Variants in ADARB2 observed in about 807,000 individuals in gnomAD.
ADARB2 encodes adenosine deaminase RNA specific B2 (inactive), also known as inactive double-stranded RNA-specific editase B2.
ADARB2 carries 25 observed loss-of-function variants against 62.2 expected under a neutral mutation model. That is an observed-to-expected ratio of 0.40 (90% CI 0.29 to 0.56). The LOEUF (loss-of-function observed/expected upper bound fraction) is 0.56, where lower values mean the gene tolerates loss of function less well. Ranked by LOEUF, ADARB2 falls within the 20% of genes least tolerant of loss-of-function variation. ADARB2 has a pLI of 0.43. For missense variants in ADARB2, 1,071 were observed against 1,077.4 expected, an observed-to-expected ratio of 0.99 and a Z score of 0.08; for synonymous variants, 572 against 500.8, an observed-to-expected ratio of 1.14 and a Z score of -1.90.
At chr10:1,604,482 A>T (rs1287300831) in intron 1 of ADARB2, among the ~76,000 whole-genome samples, 1 of 152,100 alleles carries the variant, frequency 6.6e-6, no homozygotes, top group African/African-American at 2.4e-5. Context: ...GGAAAGGGAG[A>T]GGGAGTGGAT....
At chr10:1,692,771 C>T (rs1174287163) in intron 1 of ADARB2, among the ~76,000 whole-genome samples, 3 of 152,130 alleles carry the variant, frequency 2.0e-5, no homozygotes, top group South Asian at 2.1e-4. Flanking sequence ...GATAACAAAA[C>T]AGTGGACTGT....
intron 1 of ADARB2, among the ~76,000 whole-genome samples, chr10:1,702,413 G>A (rs909152593): frequency 3.9e-5 from 6 of 152,308 alleles, no homozygotes; most frequent in African/African-American, 1.2e-4. Flanking sequence ...GAAGGAAGAG[G>A]GTGAGGGTCT....
chr10:1,432,457 T>C (rs1830786418), intron 1 of ADARB2, among the ~76,000 whole-genome samples: 1 of 151,594 alleles, frequency 6.6e-6, no homozygotes, highest in Non-Finnish European at 1.5e-5. Flanking sequence ...GAGTTTGTCT[T>C]CCATTTCATG....
At chr10:1,640,415 T>A (rs1833967041) in intron 1 of ADARB2, among the ~76,000 whole-genome samples, 1 of 152,208 alleles carries the variant, frequency 6.6e-6, no homozygotes. Context: ...CTACCTTTTT[T>A]AAAGCAGGTT....
intron 1 of ADARB2, among the ~76,000 whole-genome samples, chr10:1,621,813 T>C (rs1334952752): frequency 1.3e-5 from 2 of 152,228 alleles, no homozygotes; most frequent in Non-Finnish European, 2.9e-5. Flanking sequence ...ATGGATTCAA[T>C]GCAATCTCTG....
chr10:1,499,961 T>C (rs901827076), intron 1 of ADARB2, among the ~76,000 whole-genome samples: 1 of 152,242 alleles, frequency 6.6e-6, no homozygotes, highest in Admixed American at 6.5e-5. Flanking sequence ...TCTGACTACA[T>C]GAAGAAGTGA....
At chr10:1,675,304 T>C (rs1383946678) in intron 1 of ADARB2, 32 of 973,646 alleles carry the variant, frequency 3.3e-5, no homozygotes, top group South Asian at 4.8e-5. Context: ...GTTCTGGAGG[T>C]TTGGGTTCGG....
chr10:1,259,933 A>G (rs1315380069), intron 4 of ADARB2, among the ~76,000 whole-genome samples: 5 of 152,204 alleles, frequency 3.3e-5, no homozygotes, highest in African/African-American at 1.2e-4. Context: ...CCAGCAACAC[A>G]TCAAAAAGCT....
chr10:1,682,828 C>T (rs1295850266), intron 1 of ADARB2, among the ~76,000 whole-genome samples: 5 of 152,278 alleles, frequency 3.3e-5, no homozygotes, highest in South Asian at 2.1e-4. Flanking sequence ...GTAATGCAGA[C>T]GGCCAGGGGC....
intron 4 of ADARB2, among the ~76,000 whole-genome samples, chr10:1,264,535 CAAT>C (rs1831175717): frequency 6.6e-6 from 1 of 152,198 alleles, no homozygotes; most frequent in African/African-American, 2.4e-5. Flanking sequence ...TGGTACAACA[CAAT>C]AACACAATTC....
intron 1 of ADARB2, among the ~76,000 whole-genome samples, chr10:1,661,179 G>T (rs1834242312): frequency 6.6e-6 from 1 of 152,130 alleles, no homozygotes; most frequent in Admixed American, 6.5e-5. Flanking sequence ...AAATAAACCT[G>T]TCTTTGACTG....
At chr10:1,537,944 C>T (rs1412905262) in intron 1 of ADARB2, among the ~76,000 whole-genome samples, 5 of 152,152 alleles carry the variant, frequency 3.3e-5, no homozygotes, top group African/African-American at 4.8e-5. Context: ...CAAACCTGCA[C>T]GTTCTGCACA....
chr10:1,733,554 T>G (rs2119050874), intron 1 of ADARB2, among the ~76,000 whole-genome samples: 1 of 152,354 alleles, frequency 6.6e-6, no homozygotes, highest in African/African-American at 2.4e-5. Flanking sequence ...ATTATTGGCA[T>G]ATTTTAAAGT....
intron 1 of ADARB2, among the ~76,000 whole-genome samples, chr10:1,408,972 G>T (rs568535773): frequency 1.3e-5 from 2 of 152,312 alleles, no homozygotes; most frequent in African/African-American, 4.8e-5. Flanking sequence ...TGCTGGCTCC[G>T]TGGTGGTGGC....
At chr10:1,679,758 G>T (rs1221477948) in intron 1 of ADARB2, among the ~76,000 whole-genome samples, 1 of 152,144 alleles carries the variant, frequency 6.6e-6, no homozygotes, top group Non-Finnish European at 1.5e-5. Flanking sequence ...GTCGTTGAAT[G>T]AGGAGATGTT....
Position 1,592,053 on chromosome 10 carries a change from C to T in ADARB2, c.100+144998G>A, listed in dbSNP as rs145503092. On this transcript the variant is annotated intron_variant, in intron 1 of 9. Coordinates refer to ENST00000381312, the MANE Select transcript of ADARB2 (RefSeq NM_018702.4). The stretch of plus-strand genomic sequence containing the variant: ...GGCTTTTTACAACCCTGGTTTTCCC[C>T]GGATTCTCCTGTCAGGGTGGGATCC... Among the ~76,000 whole-genome samples the T allele has an allele frequency of 1.4e-3, 217 of 152,308 alleles. 1 individual carries two copies. The highest frequency in any genetic ancestry group is 4.9e-3 in the African/African-American group (205 of 41,554).
intron 1 of ADARB2, among the ~76,000 whole-genome samples, chr10:1,590,680 T>A (rs1215122074): frequency 5.3e-5 from 8 of 152,170 alleles, no homozygotes; most frequent in Admixed American, 4.6e-4. Context: ...GTAGAGGTTG[T>A]AAAAGTTGGT....
intron 1 of ADARB2, among the ~76,000 whole-genome samples, chr10:1,513,351 G>A (rs887833948): frequency 5.3e-5 from 8 of 152,172 alleles, no homozygotes; most frequent in Non-Finnish European, 1.0e-4. Context: ...GGCTATGACG[G>A]GATGACCGCC....
At chr10:1,437,779 G>A (rs528527605) in intron 1 of ADARB2, among the ~76,000 whole-genome samples, 20 of 152,312 alleles carry the variant, frequency 1.3e-4, no homozygotes, top group Middle Eastern at 3.4e-3. Flanking sequence ...AGCTTCTTTG[G>A]AGGTGAAAAG....
Sources: allele counts gnomAD v4.1 joint callset (sites outside exome capture counted in the v4.1 genomes callset), GRCh38; gene constraint gnomAD v4.1.1; transcripts MANE v1.5; gene names NCBI Gene and HGNC (gene_info 2026-07-23, HGNC 2026-07-21).